The following LINGO2 variants were observed in gnomAD, a reference collection of about 807,000 sequenced individuals.
LINGO2 encodes the protein leucine-rich repeat and immunoglobulin-like domain-containing nogo receptor-interacting protein 2.
Under a neutral mutation model 30.6 loss-of-function variants are expected in LINGO2, and 14 were observed. The ratio of observed to expected loss-of-function variants is 0.46; its 90% CI spans 0.30 to 0.72. The LOEUF is 0.72. Ranked by LOEUF, LINGO2 falls within the 30% of genes least tolerant of loss-of-function variation. The probability of loss-of-function intolerance (pLI) is 0.07; values close to 1 mark genes in which losing one functional copy is unlikely to be tolerated. For missense variants in LINGO2, 729 were observed against 751.7 expected, an observed-to-expected ratio of 0.97 and a Z score of 0.35; for synonymous variants, 317 against 288.5, an observed-to-expected ratio of 1.10 and a Z score of -1.00.
the LINGO2 span, among the ~76,000 whole-genome samples, chr9:29,107,956 T>C: frequency 1.3e-5 from 2 of 150,346 alleles, no homozygotes; most frequent in Non-Finnish European, 3.0e-5. Context: ...ATTGAAAAGA[T>C]ACATTAGAGC....
chr9:28,441,825 A>G (rs917850060), intron 2 of LINGO2, among the ~76,000 whole-genome samples: 1 of 152,082 alleles, frequency 6.6e-6, no homozygotes, highest in African/African-American at 2.4e-5. Flanking sequence ...ATTGCAAACA[A>G]ATAACTCTCT....
At chr9:28,102,827 G>C (rs776315086) in intron 4 of LINGO2, among the ~76,000 whole-genome samples, 3 of 152,160 alleles carry the variant, frequency 2.0e-5, no homozygotes, top group Non-Finnish European at 4.4e-5. Flanking sequence ...GAATGTGGGA[G>C]AAATTAAGTG....
chr9:29,178,799 A>C, the LINGO2 span, among the ~76,000 whole-genome samples: 3 of 152,010 alleles, frequency 2.0e-5, no homozygotes, highest in Non-Finnish European at 4.4e-5. Flanking sequence ...GAAACAGTAA[A>C]ACCCAGAAGA....
intron 4 of LINGO2, among the ~76,000 whole-genome samples, chr9:28,060,795 C>G (rs997750296): frequency 6.6e-6 from 1 of 152,118 alleles, no homozygotes; most frequent in East Asian, 1.9e-4. Flanking sequence ...AGACGGAAGT[C>G]CAAAAGGAAA....
At chr9:28,741,193 A>G in the LINGO2 span, among the ~76,000 whole-genome samples, 4 of 151,956 alleles carry the variant, frequency 2.6e-5, no homozygotes, top group Admixed American at 6.6e-5. Flanking sequence ...TGTCTGCTGG[A>G]ACATGGGGCA....
intron 4 of LINGO2, among the ~76,000 whole-genome samples, chr9:28,284,357 C>T (rs1003722637): frequency 6.6e-6 from 1 of 152,166 alleles, no homozygotes; most frequent in Non-Finnish European, 1.5e-5. Flanking sequence ...ATTCTGCACT[C>T]ACTGAGAAGA....
At chr9:28,248,909 C>A (rs983644147) in intron 4 of LINGO2, among the ~76,000 whole-genome samples, 1 of 152,208 alleles carries the variant, frequency 6.6e-6, no homozygotes, top group East Asian at 1.9e-4. Context: ...GAATCCCACA[C>A]CAAGAGAGAG....
At chr9:28,421,260 A>G (rs887313186) in intron 2 of LINGO2, among the ~76,000 whole-genome samples, 1 of 151,980 alleles carries the variant, frequency 6.6e-6, no homozygotes, top group African/African-American at 2.4e-5. Flanking sequence ...AAAACTACAA[A>G]ACATTGCTGA....
the LINGO2 span, among the ~76,000 whole-genome samples, chr9:28,779,519 T>C: frequency 6.6e-6 from 1 of 152,166 alleles, no homozygotes; most frequent in Non-Finnish European, 1.5e-5. Flanking sequence ...GAATCACTTC[T>C]GAAAGGATGG....
the LINGO2 span, among the ~76,000 whole-genome samples, chr9:29,129,928 G>A: frequency 0.24 from 36,564 of 151,946 alleles, 4,545 homozygotes; most frequent in East Asian, 0.4. Flanking sequence ...AAGCATGTTG[G>A]ATATGGTCTG....
chr9:28,065,455 T>A (rs534899157), intron 4 of LINGO2, among the ~76,000 whole-genome samples: 1 of 152,142 alleles, frequency 6.6e-6, no homozygotes, highest in African/African-American at 2.4e-5. Flanking sequence ...TATTTAAGAG[T>A]TGCATAGTAA....
At chr9:29,059,428 T>A in the LINGO2 span, among the ~76,000 whole-genome samples, 2 of 149,934 alleles carry the variant, frequency 1.3e-5, no homozygotes, top group South Asian at 2.1e-4. Flanking sequence ...AATAAATAAA[T>A]AAATAAATAA....
the LINGO2 span, among the ~76,000 whole-genome samples, chr9:28,948,388 T>C: frequency 6.6e-6 from 1 of 152,132 alleles, no homozygotes; most frequent in Non-Finnish European, 1.5e-5. Flanking sequence ...TATTACTCTG[T>C]ACCTATATAT....
the LINGO2 span, among the ~76,000 whole-genome samples, chr9:28,981,022 G>A: frequency 6.6e-6 from 1 of 152,078 alleles, no homozygotes; most frequent in Admixed American, 6.6e-5. Flanking sequence ...GTAATACACA[G>A]CCACTAGCAT....
chr9:28,934,788 A>G, the LINGO2 span, among the ~76,000 whole-genome samples: 1 of 152,178 alleles, frequency 6.6e-6, no homozygotes, highest in East Asian at 1.9e-4. Flanking sequence ...GTCTTAATCT[A>G]AAATTGCTTC....
intron 1 of LINGO2, among the ~76,000 whole-genome samples, chr9:28,641,254 T>A (rs1295890811): frequency 4.6e-5 from 7 of 152,118 alleles, no homozygotes; most frequent in African/African-American, 1.7e-4. Context: ...GCCAGGATGG[T>A]CTCGATCTCC....
chr9:28,492,504 T>C (rs956390006), intron 1 of LINGO2, among the ~76,000 whole-genome samples: 2 of 152,182 alleles, frequency 1.3e-5, no homozygotes, highest in Non-Finnish European at 2.9e-5. Flanking sequence ...TAGCTTTAGG[T>C]GACAATAAAA....
At chr9:28,354,259 G>T (rs1231423119) in intron 3 of LINGO2, among the ~76,000 whole-genome samples, 1 of 152,136 alleles carries the variant, frequency 6.6e-6, no homozygotes, top group Non-Finnish European at 1.5e-5. Flanking sequence ...ATACCAGTAG[G>T]TTTGGGAAAG....
At chr9:28,927,623 A>C in the LINGO2 span, among the ~76,000 whole-genome samples, 15 of 152,332 alleles carry the variant, frequency 9.8e-5, no homozygotes, top group South Asian at 4.1e-4. Context: ...TAATGTAAAT[A>C]AGTTGAAGAC....
Sources: gnomAD v4.1 joint callset for allele counts (sites outside exome capture counted in the v4.1 genomes callset) on GRCh38, gnomAD v4.1.1 for gene constraint, MANE v1.5 for transcripts, NCBI Gene and HGNC (gene_info 2026-07-23, HGNC 2026-07-21) for gene names.